The following FSHR variants were observed in gnomAD, a reference collection of about 807,000 sequenced individuals.
The protein encoded by FSHR is follicle-stimulating hormone receptor.
In FSHR, 46 loss-of-function variants were observed where a neutral mutation model predicts 52.1. The ratio of observed to expected loss-of-function variants is 0.88; its 90% CI spans 0.70 to 1.13. The LOEUF (loss-of-function observed/expected upper bound fraction) is 1.13. FSHR is among the 50% of genes most tolerant of loss of function. The probability of loss-of-function intolerance (pLI) is 0.00; values close to 1 mark genes in which losing one functional copy is unlikely to be tolerated. For missense variants in FSHR, 964 were observed against 834.6 expected, an observed-to-expected ratio of 1.16 and a Z score of -1.91; for synonymous variants, 399 against 309.6, an observed-to-expected ratio of 1.29 and a Z score of -3.03.
intron 1 of FSHR, among the ~76,000 whole-genome samples, chr2:49,110,837 C>T (rs7597101): frequency 0.037 from 5,639 of 152,134 alleles, 337 homozygotes; most frequent in African/African-American, 0.13. Context: ...GGAATTGGGT[C>T]GAAGAGTCAC....
At chr2:49,087,070 G>GTTTTTTTTTTTTTT (rs56890721) in intron 1 of FSHR, among the ~76,000 whole-genome samples, 3 of 86,732 alleles carry the variant, frequency 3.5e-5, no homozygotes, top group Admixed American at 1.7e-4. Flanking sequence ...TGTGGGCAGG[G>GTTTTTTTTTTTTTT]TTTTTTTTTT....
intron 8 of FSHR, among the ~76,000 whole-genome samples, chr2:48,977,209 C>A (rs1675029890): frequency 6.6e-6 from 1 of 152,052 alleles, no homozygotes; most frequent in Non-Finnish European, 1.5e-5. Flanking sequence ...TAGAGAGAGG[C>A]CCAGAACATA....
At chr2:49,018,965 T>C (rs1205299008) in intron 3 of FSHR, among the ~76,000 whole-genome samples, 1 of 152,192 alleles carries the variant, frequency 6.6e-6, no homozygotes, top group African/African-American at 2.4e-5. Context: ...ATGTTCAAGT[T>C]CTTATTTGTG....
chr2:48,971,506 G>T (rs1000648776), intron 8 of FSHR, among the ~76,000 whole-genome samples: 3 of 152,120 alleles, frequency 2.0e-5, no homozygotes, highest in African/African-American at 7.2e-5. Flanking sequence ...CTGGACTACT[G>T]ATCCCCTGTT....
intron 1 of FSHR, among the ~76,000 whole-genome samples, chr2:49,118,662 G>A (rs554128098): frequency 1.3e-5 from 2 of 152,286 alleles, no homozygotes; most frequent in East Asian, 3.9e-4. Flanking sequence ...TAGACCCAAT[G>A]TGATACTAGA....
rs756635503 is a variant in FSHR, at chr2:49,154,283, C to T, written c.135G>A (p.Pro45=). The change falls in exon 1 of 10, where the codon CCG becomes CCA. Residue 45 remains proline, a synonymous_variant. Transcript: ENST00000406846. ...ATACTCACAGTTCAATGGCATTCCT[C>T]GGGAGGTCAGAAGGAATCTCTGTCA... The part of the protein sequence containing the change: ...SKVTEIPSDL[P]RNAIELRFVL... 1.4e-5 allele frequency: 23 copies of T among 1,613,724 alleles called. No homozygotes were observed. Among genetic ancestry groups the T allele is most frequent in the Middle Eastern group, 3.3e-4 (2 of 6,078 alleles).
chr2:49,066,318 A>G (rs188463848), intron 2 of FSHR, among the ~76,000 whole-genome samples: 15 of 152,180 alleles, frequency 9.9e-5, no homozygotes, highest in African/African-American at 3.6e-4. Flanking sequence ...GAAAAGGCCA[A>G]TATTTATTAA....
intron 1 of FSHR, among the ~76,000 whole-genome samples, chr2:49,083,935 A>C (rs1291182413): frequency 1.3e-5 from 2 of 151,702 alleles, no homozygotes; most frequent in South Asian, 4.2e-4. Context: ...AGACAGATCA[A>C]CGAGACAGAA....
intron 2 of FSHR, among the ~76,000 whole-genome samples, chr2:49,061,648 A>T: frequency 7.0e-6 from 1 of 143,550 alleles, no homozygotes; most frequent in South Asian, 2.1e-4. Flanking sequence ...AATATATATA[A>T]CTATATATAA....
At chr2:49,059,087 A>G (rs1398529925) in intron 2 of FSHR, among the ~76,000 whole-genome samples, 3 of 151,982 alleles carry the variant, frequency 2.0e-5, no homozygotes, top group Non-Finnish European at 4.4e-5. Flanking sequence ...TGCCTGTAGT[A>G]CTAGCTACTT....
chr2:49,147,536 A>G (rs1284873004), intron 1 of FSHR, among the ~76,000 whole-genome samples: 1 of 152,072 alleles, frequency 6.6e-6, no homozygotes, highest in Non-Finnish European at 1.5e-5. Context: ...GGGTTTTATC[A>G]TCACCAAGCA....
rs181303854 is a variant in FSHR, at chr2:49,077,762, T to A, written c.153-9472A>T. 4.1e-3 allele frequency among the ~76,000 whole-genome samples: 620 copies of A among 152,262 alleles called. 8 individuals carry two copies. The highest frequency in any genetic ancestry group is 0.014 in the African/African-American group (572 of 41,550). ...CAGATACCCTACATCATCTCTCAAGTTGAAAGTCCCACAAATCTCTAGGGC... is the reference window on the plus strand; with the variant it reads ...CAGATACCCTACATCATCTCTCAAGATGAAAGTCCCACAAATCTCTAGGGC... On this transcript the variant is annotated intron_variant, in intron 1 of 9. Coordinates refer to ENST00000406846, the MANE Select transcript of FSHR (RefSeq NM_000145.4).
chr2:49,135,874 G>T (rs144352554), intron 1 of FSHR, among the ~76,000 whole-genome samples: 2,012 of 152,088 alleles, frequency 0.013, 38 homozygotes, highest in African/African-American at 0.046. Flanking sequence ...AAGTGAAATG[G>T]ATCATCATAA....
chr2:49,048,405 T>C (rs1668737616), intron 2 of FSHR, among the ~76,000 whole-genome samples: 1 of 152,192 alleles, frequency 6.6e-6, no homozygotes, highest in Non-Finnish European at 1.5e-5. Context: ...TGCCTAACTC[T>C]GTGCTAGGTG....
At chr2:49,131,516 G>A (rs1553475) in intron 1 of FSHR, among the ~76,000 whole-genome samples, 72,020 of 151,926 alleles carry the variant, frequency 0.47, 18,020 homozygotes, top group East Asian at 0.7. Flanking sequence ...TTCAGTTTAC[G>A]GAGATTTGAG....
At chr2:49,094,173 T>C (rs1572736306) in intron 1 of FSHR, among the ~76,000 whole-genome samples, 1 of 152,194 alleles carries the variant, frequency 6.6e-6, no homozygotes, top group East Asian at 1.9e-4. Context: ...CTCTAGGGAT[T>C]AAACTTTTAG....
At chr2:49,119,486 C>T (rs1671724766) in intron 1 of FSHR, among the ~76,000 whole-genome samples, 1 of 152,022 alleles carries the variant, frequency 6.6e-6, no homozygotes. Flanking sequence ...CCTTTTAAGC[C>T]CATCAATTCA....
intron 1 of FSHR, among the ~76,000 whole-genome samples, chr2:49,077,022 C>T (rs1003580789): frequency 6.6e-6 from 1 of 152,122 alleles, no homozygotes; most frequent in African/African-American, 2.4e-5. Flanking sequence ...GGTGGATCTA[C>T]CATTCTGGGG....
intron 1 of FSHR, among the ~76,000 whole-genome samples, chr2:49,115,394 G>T (rs2103764367): frequency 6.6e-6 from 1 of 152,214 alleles, no homozygotes; most frequent in South Asian, 2.1e-4. Context: ...CACTATTCTA[G>T]CTTTGTGGAA....
Sources: gnomAD v4.1 joint callset for allele counts (sites outside exome capture counted in the v4.1 genomes callset) on GRCh38, gnomAD v4.1.1 for gene constraint, MANE v1.5 for transcripts, NCBI Gene and HGNC (gene_info 2026-07-23, HGNC 2026-07-21) for gene names.